Variants in SLC1A6 observed in about 807,000 individuals in gnomAD.
The protein encoded by SLC1A6 is excitatory amino acid transporter 4.
SLC1A6 carries 15 observed loss-of-function variants against 42.1 expected under a neutral mutation model. The ratio of observed to expected loss-of-function variants is 0.36; its 90% CI spans 0.24 to 0.55. The LOEUF is 0.55. Among genes scored for constraint, SLC1A6 ranks in the 20% least tolerant of loss-of-function variants. The pLI, the probability that SLC1A6 is intolerant of heterozygous loss-of-function variation, is 0.88. For missense variants in SLC1A6, 542 were observed against 772.5 expected (o/e 0.70, Z 3.54); for synonymous variants, 317 against 319.7 (o/e 0.99, Z 0.09).
chr19:15,010,547 A>C (rs944962605), exon 1 of SLC1A6: 8 of 643,864 alleles, frequency 1.2e-5, no homozygotes, highest in Non-Finnish European at 2.3e-5. Flanking sequence ...AAGCTGGAAG[A>C]AGGGCCATGT....
intron 6 of SLC1A6, among the ~76,000 whole-genome samples, chr19:14,960,064 C>A (rs1599988580): frequency 1.3e-5 from 2 of 151,966 alleles, no homozygotes; most frequent in Admixed American, 1.3e-4. Flanking sequence ...TGGGAAAATG[C>A]CTGCTGAGTG....
chr19:14,995,341 AAAAGAAAG>A lies in SLC1A6; in HGVS notation c.6+15136_6+15143del, dbSNP rs138218176. ...ACTCCATCTCCAAAAAAAAAAAAAAAAAAGAAAGAAAGAAAGAAAGAAAGAAAAGGGAA... is the reference window on the plus strand; with the variant it reads ...ACTCCATCTCCAAAAAAAAAAAAAAAAAAGAAAGAAAGAAAGAAAAGGGAA... On this transcript the variant is annotated intron_variant, in intron 1 of 8. Coordinates refer to the SLC1A6 transcript ENST00000430939. 1.4e-3 allele frequency among the ~76,000 whole-genome samples: 167 copies of A among 119,660 alleles called. 2 individuals are homozygous for A. The highest frequency in any genetic ancestry group is 4.2e-3 in the African/African-American group (137 of 32,686). The allele number at this position is 119,660 out of a possible 152,430, so 78.5% of individuals were successfully genotyped here.
intron 1 of SLC1A6, among the ~76,000 whole-genome samples, chr19:14,976,603 C>T (rs1295018541): frequency 1.3e-5 from 2 of 152,036 alleles, no homozygotes; most frequent in Non-Finnish European, 2.9e-5. Flanking sequence ...AGGCTGGTCT[C>T]GAACTCCTGA....
At chr19:15,002,964 A>ATTT (rs55727450) in intron 1 of SLC1A6, among the ~76,000 whole-genome samples, 23 of 150,804 alleles carry the variant, frequency 1.5e-4, no homozygotes, top group African/African-American at 3.9e-4. Context: ...TTTTTGTGGG[A>ATTT]TGTTGTTGTT....
At chr19:15,005,464 G>C (rs1296550837) in intron 1 of SLC1A6, among the ~76,000 whole-genome samples, 1 of 151,870 alleles carries the variant, frequency 6.6e-6, no homozygotes, top group Non-Finnish European at 1.5e-5. Context: ...AACCGAGATC[G>C]CGCCACTGCA....
Position 15,008,359 on chromosome 19 carries a change from G to GAT in SLC1A6, c.6+2124_6+2125dup, listed in dbSNP as rs759601388. Reference sequence around the variant, plus strand: ...GGCTCAGTCTCTTTAGAAAAAGAGAGATATATATATACAGAATATCTATTA... The same window carrying GAT: ...GGCTCAGTCTCTTTAGAAAAAGAGAGATATATATATATACAGAATATCTATTA... On this transcript the variant is annotated intron_variant, in intron 1 of 8. Coordinates refer to the SLC1A6 transcript ENST00000430939. 8.6e-5 allele frequency among the ~76,000 whole-genome samples: 13 copies of GAT among 151,648 alleles called. No homozygotes were observed. In the East Asian group the frequency reaches 1.6e-3, roughly 18 times the overall value.
rs1599983601 is a variant in SLC1A6 at position 14,956,469 on chromosome 19, G to A, written c.1169+7C>T. 1.9e-6 allele frequency: 3 copies of A among 1,549,916 alleles called. No homozygotes were observed. The highest frequency in any genetic ancestry group is 2.6e-6 in the Non-Finnish European group (3 of 1,140,644). The stretch of plus-strand genomic sequence containing the variant: ...GAATGGTGCTGGGGTGGGGAGCAAG[G>A]CCATACCTGGAAGACGTGCCCATAG... On this transcript the variant is annotated splice_region_variant and intron_variant, in intron 7 of 9. Transcript: ENST00000594383.
At chr19:14,967,055 A>T (rs1200858946) in intron 4 of SLC1A6, among the ~76,000 whole-genome samples, 1 of 152,154 alleles carries the variant, frequency 6.6e-6, no homozygotes, top group Admixed American at 6.6e-5. Context: ...ATAAAATAAA[A>T]TATAAATTAA....
At chr19:14,969,734 T>G (rs1000647936) in intron 3 of SLC1A6, among the ~76,000 whole-genome samples, 1 of 152,150 alleles carries the variant, frequency 6.6e-6, no homozygotes, top group Non-Finnish European at 1.5e-5. Context: ...CATCCCCAAA[T>G]CCAGGGATTG....
chr19:14,973,046 T>C (rs2045663367), intron 1 of SLC1A6, 129 bp from the exon 2 acceptor site: 2 of 702,702 alleles, frequency 2.8e-6, no homozygotes, highest in Non-Finnish European at 4.7e-6. Context: ...TGGCTGGGTG[T>C]TTTGGCTCAC....
At chr19:14,977,196 C>T (rs1568295384) in intron 1 of SLC1A6, 1 of 152,108 alleles carries the variant, frequency 6.6e-6, no homozygotes, top group East Asian at 1.9e-4. Flanking sequence ...GGAAAACTCC[C>T]GAGGCTAGAG....
chr19:14,962,854 G>A (rs1446696539), intron 5 of SLC1A6, among the ~76,000 whole-genome samples: 2 of 152,116 alleles, frequency 1.3e-5, no homozygotes, highest in Non-Finnish European at 2.9e-5. Flanking sequence ...AGTGAGCTGA[G>A]ATGGTGCCAC....
At chr19:14,987,781 A>G (rs1411266918) in intron 1 of SLC1A6, among the ~76,000 whole-genome samples, 3 of 152,184 alleles carry the variant, frequency 2.0e-5, no homozygotes. Flanking sequence ...AACCATGCCC[A>G]GCTAGAAAGC....
At chr19:14,969,315 T>G (rs1412237124) in intron 3 of SLC1A6, among the ~76,000 whole-genome samples, 1 of 152,128 alleles carries the variant, frequency 6.6e-6, no homozygotes, top group Non-Finnish European at 1.5e-5. Flanking sequence ...GTACAATAGC[T>G]CAGGCTGCCC....
intron 4 of SLC1A6, among the ~76,000 whole-genome samples, chr19:14,964,587 G>C (rs2045552638): frequency 6.6e-6 from 1 of 152,134 alleles, no homozygotes; most frequent in African/African-American, 2.4e-5. Flanking sequence ...AGAAACCACA[G>C]CCCAGAGAAT....
intron 5 of SLC1A6, among the ~76,000 whole-genome samples, chr19:14,963,729 G>T (rs2045541574): frequency 6.6e-6 from 1 of 152,100 alleles, no homozygotes; most frequent in Non-Finnish European, 1.5e-5. Flanking sequence ...AGAGTTGAGG[G>T]CCTCTCCCCT....
chr19:14,972,962 A>G, intron 1 of SLC1A6, 45 bp from the exon 2 acceptor site: 1 of 1,456,646 alleles, frequency 6.9e-7, no homozygotes, highest in South Asian at 1.3e-5. Context: ...GCCAGGACAG[A>G]AGGCCGGCGT....
At chr19:14,964,215 T>G in intron 5 of SLC1A6, 104 bp downstream of exon 5, 1 of 912,410 alleles carries the variant, frequency 1.1e-6, no homozygotes, top group Non-Finnish European at 1.8e-6. Flanking sequence ...CCCATTGCTC[T>G]GTCAGGCCCT....
chr19:14,952,490 T>A (rs551693857), intron 9 of SLC1A6, among the ~76,000 whole-genome samples: 1 of 150,870 alleles, frequency 6.6e-6, no homozygotes, highest in African/African-American at 2.4e-5. Flanking sequence ...CAGGAGGCAA[T>A]CTCATCTCAC....
Sources: gnomAD v4.1 joint callset for allele counts (sites outside exome capture counted in the v4.1 genomes callset) on GRCh38, gnomAD v4.1.1 for gene constraint, MANE v1.5 for transcripts, NCBI Gene and HGNC (gene_info 2026-07-23, HGNC 2026-07-21) for gene names.